ABRAXAS2: variants seen among roughly 807,000 people sequenced by gnomAD.
The protein encoded by ABRAXAS2 is BRISC complex subunit Abraxas 2.
Under a neutral mutation model 49.0 loss-of-function variants are expected in ABRAXAS2, and 23 were observed. The ratio of observed to expected loss-of-function variants is 0.47; its 90% CI spans 0.34 to 0.66. The LOEUF (loss-of-function observed/expected upper bound fraction) is 0.66, where lower values mean the gene tolerates loss of function less well. Among genes scored for constraint, ABRAXAS2 ranks in the 30% least tolerant of loss-of-function variants. ABRAXAS2 has a pLI of 0.01. For missense variants in ABRAXAS2, 443 were observed against 511.9 expected (o/e 0.87, Z 1.30); for synonymous variants, 168 against 180.2 (o/e 0.93, Z 0.54).
chr10:124,827,720 C>T (rs1950905556), intron 5 of ABRAXAS2, among the ~76,000 whole-genome samples: 1 of 148,566 alleles, frequency 6.7e-6, no homozygotes, highest in East Asian at 2.0e-4. Context: ...TGCTGGTTAA[C>T]GAGGGTTTTG....
chr10:124,831,842 CTTTTTTTTTTTTT>C (rs71029219), intron 8 of ABRAXAS2, among the ~76,000 whole-genome samples: 16 of 37,722 alleles, frequency 4.2e-4, no homozygotes, highest in African/African-American at 1.8e-3. Flanking sequence ...TGTGTCCTGT[CTTTTTTTTTTTTT>C]TTTTTTTTTT....
intron 5 of ABRAXAS2, 82 bp from the exon 6 acceptor site, chr10:124,828,674 C>CTT (rs377051096): frequency 5.7e-4 from 642 of 1,123,836 alleles, no homozygotes; most frequent in African/African-American, 1.3e-3. Flanking sequence ...ACACCCAGCC[C>CTT]TTTTTTTTTT....
At chr10:124,806,275 C>T (rs991637766) in intron 1 of ABRAXAS2, among the ~76,000 whole-genome samples, 1 of 149,962 alleles carries the variant, frequency 6.7e-6, no homozygotes, top group Admixed American at 6.7e-5. Flanking sequence ...CACTGCACTC[C>T]AGCCTGGGTG....
intron 6 of ABRAXAS2, 107 bp from the exon 7 acceptor site, chr10:124,829,286 G>A (rs1003388204): frequency 2.7e-5 from 20 of 743,682 alleles, no homozygotes; most frequent in Middle Eastern, 2.3e-4. Context: ...CTGTCACCTC[G>A]GAGTCACAGC....
At chr10:124,822,121 G>T (rs992267871) in intron 4 of ABRAXAS2, among the ~76,000 whole-genome samples, 2 of 152,342 alleles carry the variant, frequency 1.3e-5, no homozygotes, top group African/African-American at 4.8e-5. Flanking sequence ...TGGTTATTTT[G>T]TAGGGGGGAT....
chr10:124,818,003 G>A (rs1950836142), intron 3 of ABRAXAS2, among the ~76,000 whole-genome samples: 2 of 152,146 alleles, frequency 1.3e-5, no homozygotes, highest in Admixed American at 6.5e-5. Flanking sequence ...GGTCTTGACT[G>A]TCCAAAGCTT....
intron 7 of ABRAXAS2, 67 bp from the exon 8 acceptor site, chr10:124,831,282 G>T (rs140065578): frequency 0.027 from 25,594 of 936,886 alleles, 578 homozygotes; most frequent in South Asian, 0.08. Flanking sequence ...GTTGTAATCA[G>T]CGCTGAATTT....
intron 4 of ABRAXAS2, among the ~76,000 whole-genome samples, chr10:124,825,799 G>C (rs1372963468): frequency 6.6e-6 from 1 of 152,154 alleles, no homozygotes; most frequent in Non-Finnish European, 1.5e-5. Context: ...GTATGCAAAA[G>C]AAAAATTCAG....
intron 4 of ABRAXAS2, among the ~76,000 whole-genome samples, chr10:124,822,509 A>G (rs1178423700): frequency 6.6e-6 from 1 of 152,102 alleles, no homozygotes; most frequent in Non-Finnish European, 1.5e-5. Flanking sequence ...CAAAGATTCT[A>G]CAGCCGGGCT....
chr10:124,815,985 C>T (rs2134163553), intron 2 of ABRAXAS2, among the ~76,000 whole-genome samples: 1 of 150,760 alleles, frequency 6.6e-6, no homozygotes, highest in East Asian at 2.0e-4. Flanking sequence ...TCACTGCAGC[C>T]TCAGCCTCCC....
At chr10:124,818,831 G>T (rs1950842496) in intron 3 of ABRAXAS2, among the ~76,000 whole-genome samples, 1 of 152,182 alleles carries the variant, frequency 6.6e-6, no homozygotes, top group African/African-American at 2.4e-5. Flanking sequence ...CAGCCCTTCT[G>T]TCTACCAGCC....
chr10:124,817,997 T>C (rs2134164813), intron 3 of ABRAXAS2, among the ~76,000 whole-genome samples: 1 of 152,308 alleles, frequency 6.6e-6, no homozygotes, highest in Non-Finnish European at 1.5e-5. Context: ...TGATTTGGTC[T>C]TGACTGTCCA....
chr10:124,804,816 C>A (rs1950729686), intron 1 of ABRAXAS2, among the ~76,000 whole-genome samples: 1 of 150,218 alleles, frequency 6.7e-6, no homozygotes, highest in South Asian at 2.1e-4. Context: ...TGGGTTCAAG[C>A]GATTCTTCTG....
intron 2 of ABRAXAS2, among the ~76,000 whole-genome samples, chr10:124,807,386 C>CT (rs1192107931): frequency 6.6e-6 from 1 of 150,604 alleles, no homozygotes; most frequent in Non-Finnish European, 1.5e-5. Context: ...GCCATGGTGG[C>CT]TCATGCCTGT....
chr10:124,827,162 A>ATTATAGTGC (rs1403516785), intron 5 of ABRAXAS2, among the ~76,000 whole-genome samples: 6 of 137,252 alleles, frequency 4.4e-5, no homozygotes, highest in African/African-American at 1.6e-4. Context: ...ATTATAGTGC[A>ATTATAGTGC]TTTTTTTTTT....
chr10:124,816,439 T>C (rs1950825759), intron 2 of ABRAXAS2, 137 bp from the exon 3 acceptor site: 4 of 633,258 alleles, frequency 6.3e-6, no homozygotes, highest in Non-Finnish European at 5.6e-6. Flanking sequence ...CTGGTGTACA[T>C]GTAGCAACTG....
At chr10:124,816,803 T>G (rs946139562) in intron 3 of ABRAXAS2, among the ~76,000 whole-genome samples, 191 bp downstream of exon 3, 1 of 152,142 alleles carries the variant, frequency 6.6e-6, no homozygotes, top group Admixed American at 6.6e-5. Flanking sequence ...AATTGTGGGC[T>G]TAGTGATTTA....
chr10:124,828,768 G>A lies in ABRAXAS2; in HGVS notation c.471G>A (p.Arg157=). 1.2e-6 allele frequency: 2 copies of A among 1,613,454 alleles called. No individual in the cohort carries two copies. The highest frequency in any genetic ancestry group is 1.1e-5 in the South Asian group (1 of 91,050). Residue 157 remains arginine, a synonymous_variant, in exon 6 of 9, where the codon AGG becomes AGA. Transcript: ENST00000298492. ...ATTTTTCCCATAGGTATAATCAGAG[G>A]ATATCACTCGCTATTCCCAATCTAG... ...LFRPNRRYNQ[R]ISLAIPNLGN...
chr10:124,827,725 G>A (rs1950905603), intron 5 of ABRAXAS2, among the ~76,000 whole-genome samples: 1 of 148,038 alleles, frequency 6.8e-6, no homozygotes, highest in South Asian at 2.2e-4. Context: ...GTTAACGAGG[G>A]TTTTGCATCG....
Sources: allele counts gnomAD v4.1 joint callset (sites outside exome capture counted in the v4.1 genomes callset), GRCh38; gene constraint gnomAD v4.1.1; transcripts MANE v1.5; gene names NCBI Gene and HGNC (gene_info 2026-07-23, HGNC 2026-07-21).